Variants in BCL11A observed in about 807,000 individuals in gnomAD.
BCL11A encodes the protein B cell CLL/lymphoma 11A.
BCL11A carries 2 observed loss-of-function variants against 55.9 expected under a neutral mutation model. The ratio of observed to expected loss-of-function variants is 0.04; its 90% CI spans 0.01 to 0.11. BCL11A has a LOEUF of 0.11. BCL11A is among the 10% of genes least tolerant of loss of function. The pLI, the probability that BCL11A is intolerant of heterozygous loss-of-function variation, is 1.00. For missense variants in BCL11A, 817 were observed against 1,137.1 expected, an observed-to-expected ratio of 0.72 and a Z score of 4.05; for synonymous variants, 465 against 473.4, an observed-to-expected ratio of 0.98 and a Z score of 0.23.
At chr2:60,543,472 G>A (rs1385823698) in intron 2 of BCL11A, 1 of 152,218 alleles carries the variant, frequency 6.6e-6, no homozygotes, top group East Asian at 1.9e-4. Context: ...GAATTGTGCA[G>A]ACGTGCTTTA....
chr2:60,541,714 T>C (rs1417365766), intron 2 of BCL11A: 3 of 499,882 alleles, frequency 6.0e-6, no homozygotes, highest in South Asian at 6.7e-5. Flanking sequence ...GTAAGTAAAA[T>C]GTTCACCAGT....
downstream of BCL11A, chr2:60,452,709 C>G (rs532074730): frequency 1.4e-6 from 2 of 1,475,744 alleles, no homozygotes; most frequent in African/African-American, 2.8e-5. Flanking sequence ...AAAAAAAGTA[C>G]AGGTGTGACT....
At position 60,462,293 on chromosome 2, in the gene BCL11A, G is replaced by C; in HGVS notation, c.619C>G (p.Leu207Val). 1 of 1,614,150 alleles carries C rather than the reference G, an allele frequency of 6.2e-7. No homozygotes were observed. Among genetic ancestry groups the C allele is most frequent in the Non-Finnish European group, 8.5e-7 (1 of 1,180,012 alleles). The change falls in exon 4 of 4, where the codon CTG becomes GTG. Residue 207 changes from leucine (L) to valine (V), a missense_variant. By Grantham distance (32) the Leu-to-Val change is conservative. This residue lies in a region of BCL11A where 363 missense variants were observed against 486.6 expected (regional missense o/e 0.75). Transcript: ENST00000642384. ...GAAGGGATACCAACCCGCGGGGTCA[G>C]GGGACTTCCGTGTTCGCTTTCTAAG... ...IYLESEHGSP[L>V]TPRVGIPSGL... is the part of the protein sequence containing the mutation.
At chr2:60,532,719 CT>C (rs1252584449) in intron 2 of BCL11A, 3 of 152,202 alleles carry the variant, frequency 2.0e-5, no homozygotes, top group African/African-American at 7.2e-5. Context: ...CTTTCTACCC[CT>C]CCACTCCCTT....
intron 2 of BCL11A, chr2:60,525,261 A>C (rs921518773): frequency 1.3e-5 from 2 of 152,246 alleles, no homozygotes; most frequent in African/African-American, 4.8e-5. Context: ...TTTGCCCAAA[A>C]AAGCAAACTT....
intron 2 of BCL11A, among the ~76,000 whole-genome samples, chr2:60,483,077 G>T (rs1358897616): frequency 6.6e-6 from 1 of 152,228 alleles, no homozygotes; most frequent in Non-Finnish European, 1.5e-5. Flanking sequence ...CGAGATGTTT[G>T]AGAAGAATCA....
chr2:60,520,105 T>G (rs927542269), intron 2 of BCL11A, among the ~76,000 whole-genome samples: 1 of 152,270 alleles, frequency 6.6e-6, no homozygotes, highest in South Asian at 2.1e-4. Context: ...TTTCTGAAAA[T>G]TGAAAAATTC....
chr2:60,518,727 T>C (rs1668844015), intron 2 of BCL11A, among the ~76,000 whole-genome samples: 1 of 152,086 alleles, frequency 6.6e-6, no homozygotes, highest in South Asian at 2.1e-4. Flanking sequence ...CCATCCAGAA[T>C]CAGAACGTGG....
intron 2 of BCL11A, among the ~76,000 whole-genome samples, chr2:60,540,947 TG>T (rs1669895798): frequency 1.0e-3 from 2 of 1,998 alleles, no homozygotes; most frequent in Non-Finnish European, 3.2e-3. Context: ...GCACTGGTTT[TG>T]TGTGTGTGTG....
At chr2:60,519,082 GA>G (rs947092949) in intron 2 of BCL11A, among the ~76,000 whole-genome samples, 2 of 152,170 alleles carry the variant, frequency 1.3e-5, no homozygotes, top group African/African-American at 4.8e-5. Flanking sequence ...ATACCAGCAG[GA>G]AACAGGGAGT....
chr2:60,501,151 AT>A (rs1679256767), intron 2 of BCL11A, among the ~76,000 whole-genome samples: 1 of 152,180 alleles, frequency 6.6e-6, no homozygotes, highest in Non-Finnish European at 1.5e-5. Flanking sequence ...TAAACATCCA[AT>A]TTTGCACTTA....
chr2:60,494,309 C>T (rs1678821725), intron 2 of BCL11A, among the ~76,000 whole-genome samples: 1 of 152,156 alleles, frequency 6.6e-6, no homozygotes, highest in Non-Finnish European at 1.5e-5. Flanking sequence ...TGCATGGCCT[C>T]TAAACTGGGC....
chr2:60,457,927 T>C lies in BCL11A; in HGVS notation c.*2477A>G. 9.6e-7 allele frequency: 1 copy of C among 1,045,128 alleles called. No individual in the cohort carries two copies. The highest frequency in any genetic ancestry group is 1.2e-6 in the Non-Finnish European group (1 of 866,582). The allele number at this position is 1,045,128 out of a possible 1,614,324, so 64.7% of individuals were successfully genotyped here. A position where few individuals can be genotyped will look rare whatever the true frequency, so the allele number is the denominator to read the frequency against. ...CCGCCATTATATGGCTTCTCATCTG[T>C]AATGTCACACTTTTTTGTTTCTCTC... On this transcript the variant is annotated 3_prime_UTR_variant, in exon 4 of 4. Coordinates refer to ENST00000642384, the MANE Select transcript of BCL11A (RefSeq NM_022893.4).
intron 2 of BCL11A, among the ~76,000 whole-genome samples, chr2:60,521,105 A>ACACT (rs1553347300): frequency 4.7e-5 from 3 of 64,468 alleles, no homozygotes; most frequent in African/African-American, 8.1e-5. Flanking sequence ...ACACACTCAC[A>ACACT]CACACACACA....
At chr2:60,550,613 C>T (rs1377161279) in intron 1 of BCL11A, among the ~76,000 whole-genome samples, 1 of 151,760 alleles carries the variant, frequency 6.6e-6, no homozygotes, top group Non-Finnish European at 1.5e-5. Flanking sequence ...CCTCTGAGCA[C>T]CCAGAAAATG....
At position 60,457,943 on chromosome 2, in the gene BCL11A, TG is replaced by T; in HGVS notation, c.*2460del. On this transcript the variant is annotated 3_prime_UTR_variant, in exon 4 of 4. Coordinates refer to ENST00000642384, the MANE Select transcript of BCL11A (RefSeq NM_022893.4). ...TCTCATCTGTAATGTCACACTTTTTTGTTTCTCTCTTTTTTTTTTTTTTGAA... is the reference window on the plus strand; with the variant it reads ...TCTCATCTGTAATGTCACACTTTTTTTTTCTCTCTTTTTTTTTTTTTTGAA... 26 of 1,044,958 alleles carry T rather than the reference TG, an allele frequency of 2.5e-5. No individual in the cohort carries two copies. The highest frequency in any genetic ancestry group is 3.0e-5 in the Non-Finnish European group (26 of 866,436). The allele number at this position is 1,044,958 out of a possible 1,614,324, so 64.7% of individuals were successfully genotyped here.
chr2:60,462,293 G>A lies in BCL11A; in HGVS notation c.619C>T (p.Leu207=). The A allele has an allele frequency of 6.2e-7, 1 of 1,614,150 alleles. No individual in the cohort carries two copies. Among genetic ancestry groups the A allele is most frequent in the Non-Finnish European group, 8.5e-7 (1 of 1,180,012 alleles). ...GAAGGGATACCAACCCGCGGGGTCA[G>A]GGGACTTCCGTGTTCGCTTTCTAAG... ...IYLESEHGSP[L]TPRVGIPSGL... The change falls in exon 4 of 4, where the codon CTG becomes TTG. Residue 207 remains leucine (L), a synonymous_variant. Transcript: ENST00000642384.
At chr2:60,524,164 G>A (rs149455850) in intron 2 of BCL11A, among the ~76,000 whole-genome samples, 2 of 152,288 alleles carry the variant, frequency 1.3e-5, no homozygotes, top group East Asian at 3.9e-4. Context: ...ACAGCTGACC[G>A]CATTAGTGAG....
At position 60,461,757 on chromosome 2, in the gene BCL11A, C is replaced by T. The variant is rs778714857; in HGVS notation, c.1155G>A (p.Thr385=). Residue 385 remains threonine, a synonymous_variant, in exon 4 of 4, where the codon ACG becomes ACA. Coordinates refer to ENST00000642384, the MANE Select transcript of BCL11A (RefSeq NM_022893.4). ...CCACCAGGTTGCTCTGAAATTTGAA[C>T]GTCTTGCCGCAGAACTCGCATGACT... ...KSKSCEFCGK[T]FKFQSNLVVH... The T allele has an allele frequency of 8.1e-6, 13 of 1,612,544 alleles. No individual in the cohort carries two copies. In the Middle Eastern group the frequency reaches 5.0e-4, roughly 61 times the overall value.
Sources: allele counts gnomAD v4.1 joint callset (sites outside exome capture counted in the v4.1 genomes callset), GRCh38; gene constraint gnomAD v4.1.1; regional missense constraint gnomAD v4.1.1; transcripts MANE v1.5; gene names NCBI Gene and HGNC (gene_info 2026-07-23, HGNC 2026-07-21).